The following VPS13B variants were observed in gnomAD, a reference collection of about 807,000 sequenced individuals.
VPS13B encodes intermembrane lipid transfer protein VPS13B.
A neutral mutation model predicts 426.4 loss-of-function variants in VPS13B; 285 were observed. The observed-to-expected ratio is 0.67, with a 90% confidence interval of 0.61 to 0.74. The LOEUF is 0.74. Among genes scored for constraint, VPS13B ranks in the 30% least tolerant of loss-of-function variants. The pLI is 0.00. For missense variants in VPS13B, 4,537 were observed against 4,782.6 expected (o/e 0.95, Z 1.51); for synonymous variants, 1,676 against 1,676.4 (o/e 1.00, Z 0.01).
chr8:99,729,278 C>T (rs1273827805), intron 39 of VPS13B, among the ~76,000 whole-genome samples: 2 of 152,282 alleles, frequency 1.3e-5, no homozygotes, highest in African/African-American at 4.8e-5. Flanking sequence ...TTGTGTTGAC[C>T]TCTCACTGAC....
chr8:99,787,437 A>G (rs779587084), intron 43 of VPS13B, among the ~76,000 whole-genome samples: 1 of 152,222 alleles, frequency 6.6e-6, no homozygotes, highest in Non-Finnish European at 1.5e-5. Flanking sequence ...CTAAACAAAC[A>G]AAGGAAGAAG....
At chr8:99,210,366 A>G (rs924390657) in intron 17 of VPS13B, among the ~76,000 whole-genome samples, 108 of 152,200 alleles carry the variant, frequency 7.1e-4, no homozygotes, top group African/African-American at 2.5e-3. Context: ...CCATTGAGCT[A>G]TGTTCCTTTG....
intron 39 of VPS13B, among the ~76,000 whole-genome samples, chr8:99,752,084 G>T (rs13278465): frequency 2.6e-5 from 4 of 151,976 alleles, no homozygotes. Context: ...TGTGGCATGC[G>T]CCTGTAATCC....
At chr8:99,210,958 G>C (rs1410010824) in intron 17 of VPS13B, among the ~76,000 whole-genome samples, 2 of 152,104 alleles carry the variant, frequency 1.3e-5, no homozygotes, top group Non-Finnish European at 2.9e-5. Flanking sequence ...CTTGGGCTAG[G>C]AAATTAAGGA....
intron 2 of VPS13B, 100 bp downstream of exon 2, chr8:99,014,035 CTT>C (rs1332740024): frequency 4.1e-6 from 6 of 1,454,036 alleles, no homozygotes; most frequent in Non-Finnish European, 5.6e-6. Context: ...AAAAACGTAA[CTT>C]TTCTACTGAT....
intron 12 of VPS13B, among the ~76,000 whole-genome samples, chr8:99,140,392 G>C (rs890385106): frequency 6.8e-6 from 1 of 147,002 alleles, no homozygotes; most frequent in African/African-American, 2.5e-5. Context: ...AAAAAAAAAG[G>C]AAGTAAATAC....
intron 39 of VPS13B, among the ~76,000 whole-genome samples, chr8:99,721,860 T>C (rs1445761621): frequency 1.3e-5 from 2 of 152,236 alleles, no homozygotes; most frequent in Non-Finnish European, 2.9e-5. Flanking sequence ...TGCCATCTTC[T>C]GTTCCCTACT....
intron 21 of VPS13B, among the ~76,000 whole-genome samples, chr8:99,392,032 T>A (rs553818637): frequency 6.6e-6 from 1 of 152,330 alleles, no homozygotes; most frequent in Non-Finnish European, 1.5e-5. Context: ...TGAGCCCACT[T>A]GCCCTTTGCA....
At chr8:99,868,822 T>G (rs1387477772) in intron 59 of VPS13B, among the ~76,000 whole-genome samples, 1 of 152,170 alleles carries the variant, frequency 6.6e-6, no homozygotes, top group African/African-American at 2.4e-5. Context: ...TGTGGGAAGA[T>G]AACTCTAAGA....
At chr8:99,829,205 T>C (rs897012250) in intron 51 of VPS13B, among the ~76,000 whole-genome samples, 4 of 152,218 alleles carry the variant, frequency 2.6e-5, no homozygotes, top group Non-Finnish European at 5.9e-5. Context: ...CCAGCTTGGT[T>C]CCATTCTCCC....
intron 17 of VPS13B, among the ~76,000 whole-genome samples, chr8:99,203,295 C>T (rs147084254): frequency 1.3e-5 from 2 of 152,178 alleles, no homozygotes; most frequent in African/African-American, 4.8e-5. Context: ...CAGAAAAGGC[C>T]TTCAATAAAA....
At chr8:99,246,296 T>G (rs1817215797) in intron 17 of VPS13B, among the ~76,000 whole-genome samples, 1 of 152,230 alleles carries the variant, frequency 6.6e-6, no homozygotes, top group African/African-American at 2.4e-5. Flanking sequence ...TGGATGTTGA[T>G]CTTTCAATAA....
chr8:99,734,399 CTT>C (rs1452286823), intron 39 of VPS13B, among the ~76,000 whole-genome samples: 3 of 152,146 alleles, frequency 2.0e-5, no homozygotes, highest in African/African-American at 4.8e-5. Flanking sequence ...ACAAGGTACT[CTT>C]AATGTACATT....
chr8:99,855,290 G>A (rs1588788719), intron 56 of VPS13B, among the ~76,000 whole-genome samples: 3 of 152,166 alleles, frequency 2.0e-5, no homozygotes, highest in Non-Finnish European at 4.4e-5. Context: ...GCTGAGGTGG[G>A]AGGATTGCTC....
intron 27 of VPS13B, among the ~76,000 whole-genome samples, chr8:99,505,067 AAACTT>A (rs779809443): frequency 2.3e-4 from 35 of 152,326 alleles, no homozygotes; most frequent in Non-Finnish European, 4.6e-4. Flanking sequence ...TGCTAGCTTC[AAACTT>A]AACTTCTGCA....
Position 99,420,537 on chromosome 8 carries a change from TTCTA to T in VPS13B, c.3083-10995_3083-10992del, listed in dbSNP as rs1391076169. The stretch of plus-strand genomic sequence containing the variant: ...TCTACGTTTATGATTTTTCATCCAA[TTCTA>T]TCTAATTGGTGGCATGTTAATAAAT... On this transcript the variant is annotated intron_variant, in intron 21 of 61. Coordinates refer to ENST00000357162, the MANE Select transcript of VPS13B (RefSeq NM_152564.5). Among the ~76,000 whole-genome samples the T allele has an allele frequency of 3.3e-5, 5 of 152,308 alleles. No homozygotes were observed. In the South Asian group the frequency reaches 6.2e-4, roughly 19 times the overall value.
chr8:99,060,746 T>G lies in VPS13B; in HGVS notation c.291+22180T>G, dbSNP rs145343691. 6.4e-4 allele frequency among the ~76,000 whole-genome samples: 97 copies of G among 152,312 alleles called. No homozygotes were observed. The East Asian group carries it at 9.1e-3, about 14-fold the overall frequency. Reference sequence around the variant, plus strand: ...TCAATAATACTTTTTTTTAACTTATTGAGGATGTTTTAGTTCTTGTTTGCC... The same window carrying G: ...TCAATAATACTTTTTTTTAACTTATGGAGGATGTTTTAGTTCTTGTTTGCC... On this transcript the variant is annotated intron_variant, in intron 3 of 61. Coordinates refer to ENST00000357162, the MANE Select transcript of VPS13B (RefSeq NM_152564.5).
intron 12 of VPS13B, among the ~76,000 whole-genome samples, chr8:99,139,448 T>G (rs2132567873): frequency 6.6e-6 from 1 of 151,302 alleles, no homozygotes; most frequent in East Asian, 1.9e-4. Flanking sequence ...TTTTTTTTTT[T>G]TTTGTTTGAG....
At chr8:99,424,166 CCTT>C (rs1204244621) in intron 21 of VPS13B, 2 of 152,004 alleles carry the variant, frequency 1.3e-5, no homozygotes, top group African/African-American at 4.8e-5. Flanking sequence ...TATGTAATGG[CCTT>C]CTTTGTCTCT....
Sources: allele counts gnomAD v4.1 joint callset (sites outside exome capture counted in the v4.1 genomes callset), GRCh38; gene constraint gnomAD v4.1.1; transcripts MANE v1.5; gene names NCBI Gene and HGNC (gene_info 2026-07-23, HGNC 2026-07-21).